TMEM163: variants seen among roughly 807,000 people sequenced by gnomAD.
TMEM163 encodes the protein transmembrane protein 163.
Under a neutral mutation model 29.3 loss-of-function variants are expected in TMEM163, and 17 were observed. The observed-to-expected ratio is 0.58, with a 90% CI of 0.40 to 0.87. The LOEUF is 0.87. Ranked by LOEUF, TMEM163 falls within the 40% of genes least tolerant of loss-of-function variation. The probability of loss-of-function intolerance (pLI) is 0.00; values close to 1 mark genes in which losing one functional copy is unlikely to be tolerated. For missense variants in TMEM163, 303 were observed against 381.5 expected, an observed-to-expected ratio of 0.79 and a Z score of 1.71; for synonymous variants, 157 against 160.6, an observed-to-expected ratio of 0.98 and a Z score of 0.17.
At chr2:134,707,830 C>T (rs951487921) in intron 2 of TMEM163, among the ~76,000 whole-genome samples, 1 of 151,216 alleles carries the variant, frequency 6.6e-6, no homozygotes, top group East Asian at 1.9e-4. Context: ...GACATGGGCT[C>T]CAGTCCTGAG....
intron 2 of TMEM163, among the ~76,000 whole-genome samples, chr2:134,656,082 C>G (rs1039916616): frequency 3.5e-5 from 5 of 143,956 alleles, no homozygotes; most frequent in Non-Finnish European, 7.5e-5. Flanking sequence ...CCACCCAGTT[C>G]GAGCTTCCTG....
intron 2 of TMEM163, among the ~76,000 whole-genome samples, chr2:134,628,476 G>A (rs533921903): frequency 1.3e-5 from 2 of 152,364 alleles, no homozygotes; most frequent in East Asian, 1.9e-4. Flanking sequence ...ACCAGTTTAT[G>A]CCAACAATGG....
chr2:134,495,646 G>A (rs894715920), intron 5 of TMEM163, among the ~76,000 whole-genome samples: 1 of 152,176 alleles, frequency 6.6e-6, no homozygotes, highest in African/African-American at 2.4e-5. Flanking sequence ...CATTGCTTTG[G>A]CCTGAGCTCC....
At chr2:134,630,371 A>AC (rs397725317) in intron 2 of TMEM163, among the ~76,000 whole-genome samples, 1 of 149,882 alleles carries the variant, frequency 6.7e-6, no homozygotes, top group African/African-American at 2.5e-5. Context: ...AAAAAAAAAA[A>AC]CTCTAAATAA....
At chr2:134,536,659 A>T (rs2106501432) in intron 4 of TMEM163, among the ~76,000 whole-genome samples, 1 of 152,308 alleles carries the variant, frequency 6.6e-6, no homozygotes, top group African/African-American at 2.4e-5. Context: ...GATTGTTCTA[A>T]GGATTAAATG....
chr2:134,590,115 C>T (rs1395887524), intron 2 of TMEM163, among the ~76,000 whole-genome samples: 1 of 134,158 alleles, frequency 7.5e-6, no homozygotes, highest in Non-Finnish European at 1.6e-5. Context: ...CCAAGCCCAA[C>T]TGATTCTTTT....
At chr2:134,713,547 G>A (rs1189081132) in intron 1 of TMEM163, 2 of 676,442 alleles carry the variant, frequency 3.0e-6, no homozygotes, top group South Asian at 3.0e-5. Context: ...TATTTCTGCA[G>A]GGTAACAGCA....
intron 2 of TMEM163, among the ~76,000 whole-genome samples, chr2:134,594,851 GTCTCTCTCTCTC>G (rs70973456): frequency 1.2e-3 from 175 of 147,958 alleles, no homozygotes; most frequent in Non-Finnish European, 1.9e-3. Flanking sequence ...GAGACCTTGA[GTCTCTCTCTCTC>G]TCTCTCTCTC....
intron 4 of TMEM163, among the ~76,000 whole-genome samples, chr2:134,525,453 G>T (rs17731691): frequency 0.24 from 36,012 of 152,066 alleles, 4,478 homozygotes; most frequent in Middle Eastern, 0.37. Flanking sequence ...TATCACAATC[G>T]CCTCTAGATT....
At chr2:134,713,156 G>A (rs747560845) in intron 2 of TMEM163, 44 bp downstream of exon 2, 3 of 1,594,240 alleles carry the variant, frequency 1.9e-6, no homozygotes, top group Admixed American at 1.9e-5. Context: ...GAATAAAACG[G>A]GCAACAGCAG....
chr2:134,687,464 A>G (rs1409933297), intron 2 of TMEM163, among the ~76,000 whole-genome samples: 2 of 152,254 alleles, frequency 1.3e-5, no homozygotes, highest in Admixed American at 6.5e-5. Context: ...GTTTAATAAC[A>G]ATGCACAATG....
intron 4 of TMEM163, among the ~76,000 whole-genome samples, chr2:134,519,865 G>A (rs1038544566): frequency 2.0e-5 from 3 of 148,894 alleles, no homozygotes; most frequent in Non-Finnish European, 4.4e-5. Context: ...ACTCTAGCCT[G>A]GGTGACAGAG....
At chr2:134,624,691 T>C (rs564534821) in intron 2 of TMEM163, among the ~76,000 whole-genome samples, 2 of 152,030 alleles carry the variant, frequency 1.3e-5, no homozygotes, top group African/African-American at 2.4e-5. Flanking sequence ...GGCAGATCAC[T>C]TGAGGCCAGG....
intron 4 of TMEM163, among the ~76,000 whole-genome samples, chr2:134,522,556 G>C (rs563390230): frequency 4.6e-5 from 7 of 152,302 alleles, no homozygotes; most frequent in African/African-American, 1.4e-4. Flanking sequence ...AATTAGGAGG[G>C]CACATTTGTA....
chr2:134,713,322 G>A lies in TMEM163; in HGVS notation c.203-3C>T. On this transcript the variant is annotated splice_region_variant and splice_polypyrimidine_tract_variant and intron_variant, in intron 1 of 7. Coordinates refer to ENST00000281924, the MANE Select transcript of TMEM163 (RefSeq NM_030923.5). ...GCGGGTGCTGCTTTCTAGTAAGCCTGACAAAAACAAGGAGAAAGGGAAGTT... is the reference window on the plus strand; with the variant it reads ...GCGGGTGCTGCTTTCTAGTAAGCCTAACAAAAACAAGGAGAAAGGGAAGTT... 1 of 1,612,794 alleles carries A rather than the reference G, an allele frequency of 6.2e-7. No homozygotes were observed. Among genetic ancestry groups the A allele is most frequent in the South Asian group, 1.1e-5 (1 of 90,762 alleles).
At chr2:134,548,620 G>T (rs1680841301) in intron 4 of TMEM163, among the ~76,000 whole-genome samples, 1 of 152,152 alleles carries the variant, frequency 6.6e-6, no homozygotes, top group African/African-American at 2.4e-5. Flanking sequence ...GATCATCACA[G>T]GGCAGGTTAA....
chr2:134,516,021 G>A (rs1680050175), intron 4 of TMEM163, among the ~76,000 whole-genome samples: 1 of 152,068 alleles, frequency 6.6e-6, no homozygotes. Context: ...TGTCCTGCAG[G>A]GTGCTGGGGC....
At chr2:134,657,025 T>C (rs925434240) in intron 2 of TMEM163, among the ~76,000 whole-genome samples, 5 of 152,238 alleles carry the variant, frequency 3.3e-5, no homozygotes, top group African/African-American at 9.6e-5. Context: ...TTTGCATCTA[T>C]GTTAATAAGG....
At chr2:134,623,955 G>C (rs928217047) in intron 2 of TMEM163, among the ~76,000 whole-genome samples, 4 of 152,174 alleles carry the variant, frequency 2.6e-5, no homozygotes, top group African/African-American at 9.7e-5. Context: ...TAAGATCATT[G>C]ATGAGTAAGA....
Sources: gnomAD v4.1 joint callset for allele counts (sites outside exome capture counted in the v4.1 genomes callset) on GRCh38, gnomAD v4.1.1 for gene constraint, MANE v1.5 for transcripts, NCBI Gene and HGNC (gene_info 2026-07-23, HGNC 2026-07-21) for gene names.